Variants in MACROD2 observed in about 807,000 individuals in gnomAD.
The protein encoded by MACROD2 is ADP-ribose glycohydrolase MACROD2.
Under a neutral mutation model 70.4 loss-of-function variants are expected in MACROD2, and 36 were observed. That is an observed-to-expected ratio of 0.51 (90% CI 0.39 to 0.68). MACROD2 has a LOEUF of 0.68. Among genes scored for constraint, MACROD2 ranks in the 30% least tolerant of loss-of-function variants. The probability of loss-of-function intolerance (pLI) is 0.00; values close to 1 mark genes in which losing one functional copy is unlikely to be tolerated. For synonymous variants in MACROD2, 172 were observed against 178.8 expected, an observed-to-expected ratio of 0.96 and a Z score of 0.30; for missense variants, 496 against 538.4, an observed-to-expected ratio of 0.92 and a Z score of 0.78.
chr20:15,490,203 CCCTTCCTT>C (rs1219281136), intron 7 of MACROD2, among the ~76,000 whole-genome samples: 5 of 141,652 alleles, frequency 3.5e-5, no homozygotes, highest in African/African-American at 1.0e-4. Flanking sequence ...TCCTCCCTCC[CCCTTCCTT>C]CCTTCCTTCC....
intron 13 of MACROD2, among the ~76,000 whole-genome samples, chr20:15,972,534 G>C (rs536316036): frequency 6.6e-6 from 1 of 152,274 alleles, no homozygotes; most frequent in East Asian, 1.9e-4. Context: ...ATCAGGCCAG[G>C]CACAGTGGCT....
intron 8 of MACROD2, among the ~76,000 whole-genome samples, chr20:15,547,403 A>T (rs1290244007): frequency 6.6e-6 from 1 of 151,934 alleles, no homozygotes; most frequent in Non-Finnish European, 1.5e-5. Context: ...TATCGCCATC[A>T]TTTTTTCCCC....
intron 8 of MACROD2, among the ~76,000 whole-genome samples, chr20:15,768,067 GAT>G (rs2147010276): frequency 6.6e-6 from 1 of 151,910 alleles, no homozygotes; most frequent in African/African-American, 2.4e-5. Flanking sequence ...GAAAATAAAA[GAT>G]ATATGTATAT....
chr20:14,110,629 A>T (rs2054436688), intron 3 of MACROD2, among the ~76,000 whole-genome samples: 1 of 151,978 alleles, frequency 6.6e-6, no homozygotes, highest in South Asian at 2.1e-4. Context: ...TCCCATTTAC[A>T]ATAGCTACAA....
intron 3 of MACROD2, among the ~76,000 whole-genome samples, chr20:14,287,266 C>A (rs2082352711): frequency 6.6e-6 from 1 of 152,106 alleles, no homozygotes; most frequent in Non-Finnish European, 1.5e-5. Context: ...AAGTTGGTTG[C>A]CTCCAAAAAG....
intron 8 of MACROD2, among the ~76,000 whole-genome samples, chr20:15,530,614 C>T (rs1469574741): frequency 6.6e-6 from 1 of 151,346 alleles, no homozygotes; most frequent in Non-Finnish European, 1.5e-5. Context: ...CGCCTGTAGT[C>T]CCAGCTACTC....
intron 8 of MACROD2, among the ~76,000 whole-genome samples, chr20:15,633,067 A>G (rs774484136): frequency 6.6e-6 from 1 of 152,146 alleles, no homozygotes; most frequent in African/African-American, 2.4e-5. Context: ...TAGATTGTGA[A>G]GACTAGAGTG....
chr20:15,459,678 A>G (rs898362254), intron 7 of MACROD2, among the ~76,000 whole-genome samples: 3 of 152,144 alleles, frequency 2.0e-5, no homozygotes, highest in African/African-American at 7.2e-5. Flanking sequence ...TTCTGAGTTC[A>G]AAAGGCTTCT....
intron 4 of MACROD2, among the ~76,000 whole-genome samples, chr20:14,527,370 G>A (rs941793244): frequency 6.6e-6 from 1 of 152,072 alleles, no homozygotes; most frequent in Non-Finnish European, 1.5e-5. Context: ...GGTCCATACG[G>A]GTGGAACCCT....
chr20:14,954,023 A>T (rs1387594522), intron 5 of MACROD2, among the ~76,000 whole-genome samples: 1 of 152,068 alleles, frequency 6.6e-6, no homozygotes. Flanking sequence ...GTCTTAGGAG[A>T]TATGCAAATG....
At chr20:15,386,004 T>G (rs1049903677) in intron 6 of MACROD2, among the ~76,000 whole-genome samples, 1 of 152,192 alleles carries the variant, frequency 6.6e-6, no homozygotes, top group East Asian at 1.9e-4. Flanking sequence ...CTTGAGGGTC[T>G]GAAAAGCTGC....
intron 3 of MACROD2, among the ~76,000 whole-genome samples, chr20:14,296,907 C>T (rs1375277724): frequency 2.6e-5 from 4 of 151,950 alleles, no homozygotes; most frequent in Non-Finnish European, 5.9e-5. Context: ...GGCAACCCTG[C>T]ATCAAGTAAG....
intron 4 of MACROD2, among the ~76,000 whole-genome samples, chr20:14,657,307 T>C (rs1405691341): frequency 6.6e-6 from 1 of 152,242 alleles, no homozygotes; most frequent in African/African-American, 2.4e-5. Context: ...TTTTATATTC[T>C]GCTCCTGGCA....
At chr20:15,369,736 G>A (rs1014424711) in intron 6 of MACROD2, among the ~76,000 whole-genome samples, 2 of 152,094 alleles carry the variant, frequency 1.3e-5, no homozygotes, top group Non-Finnish European at 2.9e-5. Context: ...AGCCTACAGC[G>A]TTGATTTAAA....
chr20:15,895,507 A>G (rs1412219659), intron 10 of MACROD2, among the ~76,000 whole-genome samples: 1 of 152,218 alleles, frequency 6.6e-6, no homozygotes, highest in Non-Finnish European at 1.5e-5. Flanking sequence ...TGATTCCATG[A>G]TATGCTGTTG....
intron 17 of MACROD2, among the ~76,000 whole-genome samples, chr20:16,046,832 C>T (rs1399535532): frequency 6.6e-6 from 1 of 151,780 alleles, no homozygotes; most frequent in Non-Finnish European, 1.5e-5. Context: ...AGTCGCGTAC[C>T]ACCACAACTG....
chr20:15,216,734 G>T (rs1449309074), intron 5 of MACROD2, among the ~76,000 whole-genome samples: 3 of 152,106 alleles, frequency 2.0e-5, no homozygotes, highest in Admixed American at 6.6e-5. Context: ...AAATGATGGG[G>T]ATTATTTTCC....
intron 5 of MACROD2, among the ~76,000 whole-genome samples, chr20:14,841,142 G>T (rs1386115925): frequency 6.6e-6 from 1 of 151,948 alleles, no homozygotes. Context: ...ATATCTCTGT[G>T]CATTTAAACA....
chr20:15,627,411 G>A (rs939816304), intron 8 of MACROD2, among the ~76,000 whole-genome samples: 3 of 152,070 alleles, frequency 2.0e-5, no homozygotes, highest in African/African-American at 4.8e-5. Flanking sequence ...TTTAATTGAC[G>A]TGAGGCTGGC....
Sources: gnomAD v4.1 joint callset for allele counts (sites outside exome capture counted in the v4.1 genomes callset) on GRCh38, gnomAD v4.1.1 for gene constraint, MANE v1.5 for transcripts, NCBI Gene and HGNC (gene_info 2026-07-23, HGNC 2026-07-21) for gene names.